Variants in PLCG2 observed in about 807,000 individuals in gnomAD.
PLCG2 encodes 1-phosphatidylinositol 4,5-bisphosphate phosphodiesterase gamma-2.
Under a neutral mutation model 175.6 loss-of-function variants are expected in PLCG2, and 69 were observed. That is an observed-to-expected ratio of 0.39 (90% confidence interval 0.32 to 0.48). The LOEUF (loss-of-function observed/expected upper bound fraction) is 0.48, where lower values mean the gene tolerates loss of function less well. Among genes scored for constraint, PLCG2 ranks in the 20% least tolerant of loss-of-function variants. The probability of loss-of-function intolerance (pLI) is 0.91; values close to 1 mark genes in which losing one functional copy is unlikely to be tolerated. For synonymous variants in PLCG2, 827 were observed against 624.0 expected (o/e 1.33, Z -4.85); for missense variants, 1,798 against 1,650.9 (o/e 1.09, Z -1.54).
At chr16:81,764,033 C>A (rs1708473573) in intron 2 of PLCG2, among the ~76,000 whole-genome samples, 1 of 151,966 alleles carries the variant, frequency 6.6e-6, no homozygotes, top group South Asian at 2.1e-4. Context: ...TGGTTCAAGC[C>A]TGTAATCCCA....
rs747470077 is a variant in PLCG2 at position 81,757,882 on chromosome 16, G to A, written c.-48+1916G>A. Among the ~76,000 whole-genome samples, 7 of 151,832 alleles carry A rather than the reference G, an allele frequency of 4.6e-5. No individual in the cohort carries two copies. The South Asian group carries it at 1.5e-3, about 32-fold the overall frequency. ...CTTTCTCTGTGGATTTGCCTATTCC[G>A]GACATTTCATGTACATAGAATCATA... On this transcript the variant is annotated intron_variant, in intron 2 of 5. Coordinates refer to the PLCG2 transcript ENST00000565054.
chr16:81,884,670 C>A (rs1009614802), intron 9 of PLCG2, among the ~76,000 whole-genome samples: 1 of 151,638 alleles, frequency 6.6e-6, no homozygotes, highest in Non-Finnish European at 1.5e-5. Flanking sequence ...TTGTTTATAT[C>A]ATTGGAGTTC....
Position 81,933,463 on chromosome 16 carries a change from C to T in PLCG2, c.2740-966C>T, listed in dbSNP as rs575147840. On this transcript the variant is annotated intron_variant, in intron 25 of 32. Coordinates refer to ENST00000564138, the MANE Select transcript of PLCG2 (RefSeq NM_002661.5). ...GATGGCAGAGGGCAGTCACAAAATCCTTCTAGTTAGTGGGTTTCCAGAGCC... is the reference window on the plus strand; with the variant it reads ...GATGGCAGAGGGCAGTCACAAAATCTTTCTAGTTAGTGGGTTTCCAGAGCC... Among the ~76,000 whole-genome samples the T allele has an allele frequency of 3.9e-5, 6 of 152,274 alleles. 1 individual carries two copies. Among genetic ancestry groups the T allele is most frequent in the African/African-American group, 1.4e-4 (6 of 41,552 alleles).
At chr16:81,867,853 A>G (rs533451032) in intron 5 of PLCG2, among the ~76,000 whole-genome samples, 1 of 152,094 alleles carries the variant, frequency 6.6e-6, no homozygotes. Flanking sequence ...GCCTGCTACC[A>G]TGCCTGGCTA....
rs537107138 is a variant in PLCG2, at chr16:81,784,841, G to C, written c.-47-1102G>C. On this transcript the variant is annotated intron_variant, in intron 1 of 32. Coordinates refer to ENST00000564138, the MANE Select transcript of PLCG2 (RefSeq NM_002661.5). ...GGGGGTCCCTGGTGGTTCAGCTCCA[G>C]GGCCTGGGGAGCGCCTTCACTCTAA... Among the ~76,000 whole-genome samples the C allele has an allele frequency of 5.8e-4, 88 of 152,256 alleles. No homozygotes were observed. The South Asian group carries it at 0.017, about 30-fold the overall frequency.
chr16:81,901,186 G>A (rs1340951861), intron 14 of PLCG2, among the ~76,000 whole-genome samples: 4 of 152,152 alleles, frequency 2.6e-5, no homozygotes, highest in Non-Finnish European at 4.4e-5. Context: ...GGTGTCCAGC[G>A]ACCTGGGTGC....
At chr16:81,863,774 T>G (rs1907096507) in intron 5 of PLCG2, among the ~76,000 whole-genome samples, 1 of 152,222 alleles carries the variant, frequency 6.6e-6, no homozygotes, top group Non-Finnish European at 1.5e-5. Context: ...TAACATTGGA[T>G]TTGCATAAGT....
chr16:81,955,549 C>A (rs1040699321), intron 31 of PLCG2, among the ~76,000 whole-genome samples: 2 of 152,104 alleles, frequency 1.3e-5, no homozygotes, highest in African/African-American at 4.8e-5. Flanking sequence ...TATTTTGGTT[C>A]CTGCAACTGA....
chr16:81,776,770 G>A (rs1597310863), upstream of PLCG2, among the ~76,000 whole-genome samples: 1 of 152,072 alleles, frequency 6.6e-6, no homozygotes, highest in East Asian at 1.9e-4. Flanking sequence ...GGCCAGGATA[G>A]TCGTGAACTC....
intron 22 of PLCG2, 138 bp downstream of exon 22, chr16:81,923,732 C>T (rs62044881): frequency 0.04 from 22,509 of 568,986 alleles, 535 homozygotes; most frequent in Non-Finnish European, 0.048. Context: ...TAAGTCCCTT[C>T]TTAGGAAGGT....
intron 2 of PLCG2, among the ~76,000 whole-genome samples, chr16:81,759,211 A>C (rs1909990100): frequency 6.6e-6 from 1 of 152,170 alleles, no homozygotes; most frequent in African/African-American, 2.4e-5. Flanking sequence ...TATCAGATAC[A>C]TGATTTGCAA....
chr16:81,803,744 C>T (rs1348399450), intron 2 of PLCG2, among the ~76,000 whole-genome samples: 6 of 144,926 alleles, frequency 4.1e-5, no homozygotes, highest in East Asian at 2.1e-4. Flanking sequence ...GGCAGTGGTG[C>T]GATTTTGGTT....
intron 13 of PLCG2, among the ~76,000 whole-genome samples, chr16:81,896,712 A>T (rs1237604375): frequency 6.6e-6 from 1 of 152,202 alleles, no homozygotes; most frequent in African/African-American, 2.4e-5. Context: ...GGCGGAATCC[A>T]AGCAGCCAGT....
chr16:81,791,874 A>C (rs1402720608), intron 2 of PLCG2, among the ~76,000 whole-genome samples: 5 of 152,076 alleles, frequency 3.3e-5, no homozygotes, highest in African/African-American at 1.2e-4. Flanking sequence ...CTTAGCTGGG[A>C]CTGTTGACCA....
chr16:81,799,786 G>T (rs533298738), intron 2 of PLCG2, among the ~76,000 whole-genome samples: 1 of 151,586 alleles, frequency 6.6e-6, no homozygotes, highest in Admixed American at 6.6e-5. Context: ...GTGGAGATGG[G>T]GTTTCACCGT....
At chr16:81,936,123 A>T (rs1464943257) in intron 26 of PLCG2, 46 bp from the exon 27 acceptor site, 12 of 1,604,724 alleles carry the variant, frequency 7.5e-6, no homozygotes, top group Non-Finnish European at 9.4e-6. Flanking sequence ...AAGAAAATGC[A>T]CAGATGAGAC....
chr16:81,887,191 C>G (rs1008342908), intron 9 of PLCG2, among the ~76,000 whole-genome samples: 1 of 151,780 alleles, frequency 6.6e-6, no homozygotes, highest in African/African-American at 2.4e-5. Flanking sequence ...GCGATCTCTG[C>G]TCACCGCAAA....
At chr16:81,908,395 C>A in intron 16 of PLCG2, 21 bp from the exon 17 acceptor site, 1 of 1,608,886 alleles carries the variant, frequency 6.2e-7, no homozygotes, top group Non-Finnish European at 8.5e-7. Flanking sequence ...TTCAGAAACC[C>A]CTCCTCTCTT....
chr16:81,747,546 A>G (rs1204004488), intron 1 of PLCG2, among the ~76,000 whole-genome samples: 1 of 152,068 alleles, frequency 6.6e-6, no homozygotes, highest in Non-Finnish European at 1.5e-5. Flanking sequence ...AATAATAATA[A>G]TATTATTAAT....
Sources: gnomAD v4.1 joint callset for allele counts (sites outside exome capture counted in the v4.1 genomes callset) on GRCh38, gnomAD v4.1.1 for gene constraint, MANE v1.5 for transcripts, NCBI Gene and HGNC (gene_info 2026-07-23, HGNC 2026-07-21) for gene names.